Variants in AKAP8 observed in about 807,000 individuals in gnomAD.
AKAP8 encodes A-kinase anchor protein 8.
In AKAP8, 24 loss-of-function variants were observed where a neutral mutation model predicts 67.5. The ratio of observed to expected loss-of-function variants is 0.36; its 90% CI spans 0.26 to 0.50. AKAP8 has a LOEUF of 0.50. AKAP8 is among the 20% of genes least tolerant of loss of function. The pLI, the probability that AKAP8 is intolerant of heterozygous loss-of-function variation, is 0.97. For synonymous variants in AKAP8, 400 were observed against 371.1 expected (o/e 1.08, Z -0.90); for missense variants, 971 against 955.9 (o/e 1.02, Z -0.21).
chr19:15,364,465 G>A (rs1372913348), intron 9 of AKAP8, among the ~76,000 whole-genome samples: 9 of 150,308 alleles, frequency 6.0e-5, no homozygotes, highest in Non-Finnish European at 1.2e-4. Context: ...ATTCTCCTGC[G>A]TCAGCCTCCC....
intron 9 of AKAP8, among the ~76,000 whole-genome samples, chr19:15,363,062 T>C (rs1967000274): frequency 6.8e-6 from 1 of 147,614 alleles, no homozygotes; most frequent in Non-Finnish European, 1.5e-5. Flanking sequence ...GTCTGAGAAG[T>C]GAGGAGACCC....
chr19:15,373,482 A>C, intron 4 of AKAP8, 142 bp from the exon 5 acceptor site: 4 of 1,243,408 alleles, frequency 3.2e-6, no homozygotes, highest in Non-Finnish European at 4.4e-6. Flanking sequence ...GATGACCAAA[A>C]CTGACCAACA....
At chr19:15,365,770 C>G (rs569442323) in intron 9 of AKAP8, among the ~76,000 whole-genome samples, 1 of 152,202 alleles carries the variant, frequency 6.6e-6, no homozygotes, top group East Asian at 1.9e-4. Flanking sequence ...TGCCTGTACT[C>G]CCAGCACTTT....
intron 8 of AKAP8, chr19:15,368,960 G>C (rs1372336385): frequency 1.0e-6 from 1 of 985,870 alleles, no homozygotes; most frequent in African/African-American, 1.7e-5. Flanking sequence ...CGTCCCCCGG[G>C]GCCAGCAGAG....
At chr19:15,357,119 G>C (rs1412116064) in intron 13 of AKAP8, among the ~76,000 whole-genome samples, 3 of 151,970 alleles carry the variant, frequency 2.0e-5, no homozygotes. Flanking sequence ...CACCACGCCT[G>C]GCTAATTTTT....
chr19:15,374,819 A>G (rs561926803), intron 2 of AKAP8, among the ~76,000 whole-genome samples, 184 bp from the exon 3 acceptor site: 2 of 152,312 alleles, frequency 1.3e-5, no homozygotes, highest in African/African-American at 2.4e-5. Flanking sequence ...TGAGAGGCTG[A>G]GCACAAGCAA....
intron 2 of AKAP8, 142 bp from the exon 3 acceptor site, chr19:15,374,777 T>C (rs1967224210): frequency 2.2e-6 from 2 of 892,132 alleles, no homozygotes; most frequent in East Asian, 5.6e-5. Flanking sequence ...TTGGGTGTTT[T>C]TAGCTCACTC....
chr19:15,363,362 G>GA (rs1203119816), intron 9 of AKAP8, among the ~76,000 whole-genome samples: 5 of 127,980 alleles, frequency 3.9e-5, no homozygotes, highest in South Asian at 2.7e-4. Flanking sequence ...GTGGGGGGGG[G>GA]TCAGCCCCCC....
chr19:15,369,295 G>C lies in AKAP8; in HGVS notation c.1072+851C>G, dbSNP rs1220459651. 1.2e-5 allele frequency: 12 copies of C among 982,724 alleles called. No individual in the cohort carries two copies. The highest frequency in any genetic ancestry group is 1.0e-4 in the African/African-American group (6 of 57,194). The allele number at this position is 982,724 out of a possible 1,614,324, so 60.9% of individuals were successfully genotyped here. A position where few individuals can be genotyped will look rare whatever the true frequency, so the allele number is the denominator to read the frequency against. Reference sequence around the variant, plus strand: ...AAGCGCTCGGGGCGCCCCGTGCTATGGACAGGACTGCTGCGGGTCGCGGGG... The same window carrying C: ...AAGCGCTCGGGGCGCCCCGTGCTATCGACAGGACTGCTGCGGGTCGCGGGG... On this transcript the variant is annotated intron_variant, in intron 8 of 13. Coordinates refer to ENST00000269701, the MANE Select transcript of AKAP8 (RefSeq NM_005858.4). The surrounding 1 kb of genome is among the most constrained non-coding windows in gnomAD (Gnocchi z 4.6).
chr19:15,361,841 G>T lies in AKAP8; in HGVS notation c.1303-19C>A. 1.2e-6 allele frequency: 2 copies of T among 1,601,702 alleles called. No individual in the cohort carries two copies. Among genetic ancestry groups the T allele is most frequent in the African/African-American group, 2.7e-5 (2 of 74,642 alleles). ...TGTATTCCTAGGTGGGATTGGAGAG[G>T]GCATAAAGTAAAATGAGAGGTGGGC... On this transcript the variant is annotated intron_variant, in intron 10 of 13. Transcript: ENST00000269701.
intron 12 of AKAP8, 119 bp from the exon 13 acceptor site, chr19:15,359,181 A>C: frequency 1.2e-6 from 1 of 851,658 alleles, no homozygotes. Flanking sequence ...CGAATCTCAA[A>C]ACGCCAGCCT....
chr19:15,373,592 G>T, intron 4 of AKAP8, 194 bp downstream of exon 4: 2 of 922,766 alleles, frequency 2.2e-6, no homozygotes, highest in Non-Finnish European at 3.2e-6. Context: ...CAACAACCAC[G>T]CCCAAGCCCC....
rs1436744514 is a variant in AKAP8 at position 15,368,420 on chromosome 19, T to C, written c.1073-98A>G. ...GGGCTGCAGCTTGGCCACCGCACCC[T>C]GTGCCCTGCCACTGCCTGCACCACG... On this transcript the variant is annotated intron_variant, in intron 8 of 13. Transcript: ENST00000269701. 6 of 1,592,952 alleles carry C rather than the reference T, an allele frequency of 3.8e-6. No individual in the cohort carries two copies. The Admixed American group carries it at 6.8e-5, about 18-fold the overall frequency.
intron 7 of AKAP8, 50 bp downstream of exon 7, chr19:15,371,902 G>A: frequency 4.4e-6 from 7 of 1,597,816 alleles, no homozygotes; most frequent in East Asian, 4.5e-5. Context: ...GGTGATTAAA[G>A]AAAGAAGAAA....
intron 5 of AKAP8, 73 bp downstream of exon 5, chr19:15,372,778 G>T: frequency 6.9e-7 from 1 of 1,448,152 alleles, no homozygotes; most frequent in Non-Finnish European, 9.1e-7. Context: ...TGTTGAGATG[G>T]GGAAATTTTA....
chr19:15,368,131 G>A, intron 9 of AKAP8, 104 bp downstream of exon 9: 1 of 1,489,530 alleles, frequency 6.7e-7, no homozygotes, highest in Non-Finnish European at 9.1e-7. Context: ...AGAGGAGTCA[G>A]GCCACCAGGC....
chr19:15,356,063 C>T lies in AKAP8; in HGVS notation c.1624-693G>A, dbSNP rs540176456. Reference sequence around the variant, plus strand: ...CAATTTTTAATCAAGCATGTACCAGCGAGGAAAAGTTCACAAGCCCAGCCT... The same window carrying T: ...CAATTTTTAATCAAGCATGTACCAGTGAGGAAAAGTTCACAAGCCCAGCCT... On this transcript the variant is annotated intron_variant, in intron 13 of 13. Transcript: ENST00000269701. Among the ~76,000 whole-genome samples, 223 of 151,936 alleles carry T rather than the reference C, an allele frequency of 1.5e-3. 1 individual carries two copies. The highest frequency in any genetic ancestry group is 8.7e-4 in the Non-Finnish European group (59 of 67,970).
At chr19:15,373,692 G>T in intron 4 of AKAP8, 94 bp downstream of exon 4, 2 of 1,413,796 alleles carry the variant, frequency 1.4e-6, no homozygotes, top group Admixed American at 2.4e-5. Context: ...AGGGAGGCGG[G>T]GACAGGCCCT....
At position 15,358,272 on chromosome 19, in the gene AKAP8, C is replaced by T. The variant is rs909641555; in HGVS notation, c.1623+695G>A. Among the ~76,000 whole-genome samples the T allele has an allele frequency of 3.3e-5, 5 of 152,142 alleles. No homozygotes were observed. In the South Asian group the frequency reaches 6.2e-4, roughly 19 times the overall value. On this transcript the variant is annotated intron_variant, in intron 13 of 13. Transcript: ENST00000269701. Reference sequence around the variant, plus strand: ...TGAAGGCTCTGGTTCTTCACTACCCCTCACCTTCAACCTCACTGTCAGTTG... The same window carrying T: ...TGAAGGCTCTGGTTCTTCACTACCCTTCACCTTCAACCTCACTGTCAGTTG...
Sources: allele counts gnomAD v4.1 joint callset (sites outside exome capture counted in the v4.1 genomes callset), GRCh38; gene constraint gnomAD v4.1.1; non-coding constraint Gnocchi (gnomAD v3.1); transcripts MANE v1.5; gene names NCBI Gene and HGNC (gene_info 2026-07-23, HGNC 2026-07-21).